The following PTPRG variants were observed in gnomAD, a reference collection of about 807,000 sequenced individuals.
PTPRG encodes the protein protein tyrosine phosphatase receptor type G.
In PTPRG, 102 loss-of-function variants were observed where a neutral mutation model predicts 165.3. The observed-to-expected ratio is 0.62, with a 90% confidence interval of 0.53 to 0.73. The LOEUF is 0.73. Ranked by LOEUF, PTPRG falls within the 30% of genes least tolerant of loss-of-function variation. PTPRG has a pLI of 0.00. For synonymous variants in PTPRG, 675 were observed against 669.5 expected, an observed-to-expected ratio of 1.01 and a Z score of -0.13; for missense variants, 1,866 against 1,861.4, an observed-to-expected ratio of 1.00 and a Z score of -0.05.
intron 1 of PTPRG, among the ~76,000 whole-genome samples, chr3:61,656,039 ACCC>A (rs72439294): frequency 7.6e-6 from 1 of 130,924 alleles, no homozygotes; most frequent in Non-Finnish European, 1.7e-5. Flanking sequence ...ACATAGCAAG[ACCC>A]CCCCCCCCCC....
At chr3:62,039,738 G>C (rs961385145) in intron 4 of PTPRG, among the ~76,000 whole-genome samples, 2 of 152,186 alleles carry the variant, frequency 1.3e-5, no homozygotes, top group Non-Finnish European at 2.9e-5. Flanking sequence ...CCTGCAGCTG[G>C]TGAGCCTTAA....
At chr3:62,132,481 G>A in intron 5 of PTPRG, 121 bp from the exon 6 acceptor site, 2 of 781,682 alleles carry the variant, frequency 2.6e-6, no homozygotes, top group Non-Finnish European at 2.3e-6. Flanking sequence ...TGGTGTATGT[G>A]AGACCTAAGC....
At chr3:62,143,554 CTT>C (rs372744091) in intron 6 of PTPRG, among the ~76,000 whole-genome samples, 1,905 of 138,830 alleles carry the variant, frequency 0.014, 32 homozygotes, top group Middle Eastern at 0.05. Context: ...CATGAAGAAT[CTT>C]TTTTTTTTTT....
chr3:61,816,375 C>T (rs1040199263), intron 2 of PTPRG, among the ~76,000 whole-genome samples: 1 of 151,734 alleles, frequency 6.6e-6, no homozygotes, highest in African/African-American at 2.4e-5. Context: ...GCTAAAAATA[C>T]AAAAAAAATT....
chr3:61,609,889 A>G (rs145376554), intron 1 of PTPRG, among the ~76,000 whole-genome samples: 180 of 152,164 alleles, frequency 1.2e-3, no homozygotes, highest in African/African-American at 4.0e-3. Context: ...TCTTATTTCT[A>G]TCAATTTACA....
intron 2 of PTPRG, among the ~76,000 whole-genome samples, chr3:61,840,783 T>G (rs1195364939): frequency 3.2e-5 from 3 of 93,250 alleles, no homozygotes; most frequent in Admixed American, 1.0e-4. Context: ...TGTTTGTTTG[T>G]TTTTTTTTTT....
intron 1 of PTPRG, among the ~76,000 whole-genome samples, chr3:61,633,397 G>A (rs1449830012): frequency 1.3e-5 from 2 of 152,218 alleles, no homozygotes; most frequent in East Asian, 3.8e-4. Context: ...AAGTCATTGG[G>A]ATGAGTTATA....
chr3:61,765,406 G>A (rs2033987077), intron 2 of PTPRG, among the ~76,000 whole-genome samples: 1 of 152,052 alleles, frequency 6.6e-6, no homozygotes, highest in African/African-American at 2.4e-5. Flanking sequence ...TATTTTTGAG[G>A]TCTCTTGTGA....
intron 5 of PTPRG, among the ~76,000 whole-genome samples, chr3:62,122,187 G>T (rs1039234270): frequency 2.6e-5 from 4 of 152,132 alleles, no homozygotes; most frequent in African/African-American, 7.2e-5. Context: ...CAAATGCTCC[G>T]ACAGCTTTAA....
intron 4 of PTPRG, among the ~76,000 whole-genome samples, chr3:62,009,869 C>G (rs965180955): frequency 6.6e-6 from 1 of 152,222 alleles, no homozygotes; most frequent in Non-Finnish European, 1.5e-5. Flanking sequence ...TTGGGTAGCA[C>G]CGCTTAAATA....
chr3:61,688,370 T>C (rs1703707610), intron 1 of PTPRG, among the ~76,000 whole-genome samples: 1 of 152,196 alleles, frequency 6.6e-6, no homozygotes. Context: ...GCATTTGTCA[T>C]CCCAGCTGGA....
intron 2 of PTPRG, among the ~76,000 whole-genome samples, chr3:61,964,599 G>C (rs2040225566): frequency 1.3e-5 from 2 of 152,144 alleles, no homozygotes; most frequent in African/African-American, 4.8e-5. Flanking sequence ...GACCTGTTCT[G>C]CCTTTCTCCA....
chr3:62,269,043 T>C lies in PTPRG; in HGVS notation c.2883T>C (p.Cys961=). The C allele has an allele frequency of 6.4e-7, 1 of 1,551,290 alleles. No homozygotes were observed. The change falls in exon 20 of 30, where the codon TGT becomes TGC. Residue 961 remains cysteine (C), a synonymous_variant. Coordinates refer to ENST00000474889, the MANE Select transcript of PTPRG (RefSeq NM_002841.4). ...CTTTTTTCTTTCTGCAGCGAAAATGTGATCAGTATTGGCCAACAGAGAACA... is the reference window on the plus strand; with the variant it reads ...CTTTTTTCTTTCTGCAGCGAAAATGCGATCAGTATTGGCCAACAGAGAACA... ...TNLVEKGRRK[C]DQYWPTENSE...
chr3:61,867,947 C>T (rs952660363), intron 2 of PTPRG, among the ~76,000 whole-genome samples: 1 of 152,110 alleles, frequency 6.6e-6, no homozygotes, highest in Non-Finnish European at 1.5e-5. Context: ...GTCTGCTTAC[C>T]TTTCTCTAGG....
intron 2 of PTPRG, among the ~76,000 whole-genome samples, chr3:61,871,055 A>G (rs1242215818): frequency 5.3e-5 from 8 of 151,884 alleles, no homozygotes; most frequent in Non-Finnish European, 7.4e-5. Context: ...TGAAGGGGCA[A>G]TCACCAGAGT....
At chr3:61,651,472 G>A (rs566725287) in intron 1 of PTPRG, among the ~76,000 whole-genome samples, 5 of 152,014 alleles carry the variant, frequency 3.3e-5, no homozygotes, top group African/African-American at 1.2e-4. Context: ...TATCCTGAAC[G>A]GGCCTGATGA....
At chr3:61,789,089 CT>C (rs1288119919) in intron 2 of PTPRG, among the ~76,000 whole-genome samples, 1 of 151,928 alleles carries the variant, frequency 6.6e-6, no homozygotes, top group Non-Finnish European at 1.5e-5. Context: ...TTCTTTCCTC[CT>C]TTTCTTTTCT....
At chr3:61,688,945 C>T (rs193251068) in intron 1 of PTPRG, among the ~76,000 whole-genome samples, 14 of 152,284 alleles carry the variant, frequency 9.2e-5, no homozygotes, top group African/African-American at 2.4e-4. Flanking sequence ...ACATGTCTGG[C>T]GTGCCCTTTA....
chr3:61,627,206 C>G (rs571955666), intron 1 of PTPRG, among the ~76,000 whole-genome samples: 1 of 151,756 alleles, frequency 6.6e-6, no homozygotes, highest in Non-Finnish European at 1.5e-5. Context: ...TGGAATTATA[C>G]TTTTTAAAAG....
Sources: allele counts gnomAD v4.1 joint callset (sites outside exome capture counted in the v4.1 genomes callset), GRCh38; gene constraint gnomAD v4.1.1; transcripts MANE v1.5; gene names NCBI Gene and HGNC (gene_info 2026-07-23, HGNC 2026-07-21).